The following OCA2 variants were observed in gnomAD, a reference collection of about 807,000 sequenced individuals.
The protein encoded by OCA2 is OCA2 melanosomal transmembrane protein, also known as P protein.
OCA2 carries 77 observed loss-of-function variants against 100.2 expected under a neutral mutation model. That is an observed-to-expected ratio of 0.77 (90% CI 0.64 to 0.93). OCA2 has a LOEUF of 0.93. Ranked by LOEUF, OCA2 falls within the 40% of genes least tolerant of loss-of-function variation. OCA2 has a pLI of 0.00. For synonymous variants in OCA2, 432 were observed against 439.2 expected (o/e 0.98, Z 0.21); for missense variants, 1,062 against 1,089.1 (o/e 0.98, Z 0.35).
intron 23 of OCA2, among the ~76,000 whole-genome samples, chr15:27,792,550 G>A (rs1327978663): frequency 6.6e-6 from 1 of 152,106 alleles, no homozygotes; most frequent in Non-Finnish European, 1.5e-5. Flanking sequence ...TCCCACACGA[G>A]CCACATGGCC....
chr15:28,058,864 C>T (rs565864509), intron 2 of OCA2, among the ~76,000 whole-genome samples: 2 of 152,264 alleles, frequency 1.3e-5, no homozygotes, highest in South Asian at 2.1e-4. Context: ...GGAGAGTCTG[C>T]GCTGGGGTGC....
intron 2 of OCA2, among the ~76,000 whole-genome samples, chr15:28,034,719 A>G (rs1457516285): frequency 6.6e-6 from 1 of 151,926 alleles, no homozygotes; most frequent in Non-Finnish European, 1.5e-5. Context: ...CAAACCTTCA[A>G]TGAGCTGAGG....
Position 27,983,243 on chromosome 15 carries a change from G to A in OCA2, c.1503+102C>T, listed in dbSNP as rs1278701759. 1.8e-5 allele frequency: 25 copies of A among 1,410,464 alleles called. 1 individual carries two copies. Among genetic ancestry groups the A allele is most frequent in the South Asian group, 1.0e-4 (9 of 85,888 alleles). 87.4% of individuals were successfully genotyped at this position (1,410,464 alleles called of 1,614,324 possible). On this transcript the variant is annotated intron_variant, in intron 14 of 23. Transcript: ENST00000354638. ...GTAGCACTTACTGTGAAGAGGTGGC[G>A]TGATGATCTTGATTTCTAACAAAGG... is the stretch of plus-strand genomic sequence containing the variant.
chr15:27,818,904 C>T (rs1453583338), intron 23 of OCA2, among the ~76,000 whole-genome samples: 1 of 152,180 alleles, frequency 6.6e-6, no homozygotes, highest in Non-Finnish European at 1.5e-5. Context: ...AATTCCTCTC[C>T]TGACACAAAT....
At chr15:27,824,325 G>A (rs1595470311) in intron 23 of OCA2, among the ~76,000 whole-genome samples, 1 of 152,108 alleles carries the variant, frequency 6.6e-6, no homozygotes, top group South Asian at 2.1e-4. Context: ...CTGAGATGGT[G>A]CCATTGCACT....
chr15:27,924,707 A>G (rs1224381980), intron 19 of OCA2, among the ~76,000 whole-genome samples: 4 of 152,238 alleles, frequency 2.6e-5, no homozygotes, highest in Non-Finnish European at 4.4e-5. Context: ...GAGAATTAGT[A>G]TACAATAAAA....
In OCA2 at chr15:28,027,237, C is replaced by G. The variant is rs561354313; in HGVS notation, c.515+634G>C. Among the ~76,000 whole-genome samples the G allele has an allele frequency of 1.4e-4, 21 of 152,302 alleles. 1 individual carries two copies. In the East Asian group the frequency reaches 3.5e-3, roughly 25 times the overall value. On this transcript the variant is annotated intron_variant, in intron 4 of 23. Coordinates refer to ENST00000354638, the MANE Select transcript of OCA2 (RefSeq NM_000275.3). Reference sequence around the variant, plus strand: ...TAGGCCTACACACGCATGCGTACTCCCACTCCCACGCCCGCCGTCCCCCTA... The same window carrying G: ...TAGGCCTACACACGCATGCGTACTCGCACTCCCACGCCCGCCGTCCCCCTA...
chr15:27,878,266 CG>C (rs1475262486), intron 19 of OCA2, among the ~76,000 whole-genome samples: 1 of 151,938 alleles, frequency 6.6e-6, no homozygotes, highest in African/African-American at 2.4e-5. Context: ...GAGGGAAAAA[CG>C]TTATCTTTTA....
chr15:28,052,289 T>C (rs1172364304), intron 2 of OCA2, among the ~76,000 whole-genome samples: 1 of 152,226 alleles, frequency 6.6e-6, no homozygotes, highest in East Asian at 1.9e-4. Flanking sequence ...CTGTGAATTA[T>C]GCACCAGATG....
chr15:27,779,899 A>G (rs186107662), intron 23 of OCA2, among the ~76,000 whole-genome samples: 2 of 152,214 alleles, frequency 1.3e-5, no homozygotes, highest in East Asian at 3.9e-4. Flanking sequence ...TTATACTGAT[A>G]TGCTTTGAAT....
intron 14 of OCA2, among the ~76,000 whole-genome samples, chr15:27,982,973 A>G (rs1301087018): frequency 6.6e-6 from 1 of 152,206 alleles, no homozygotes; most frequent in African/African-American, 2.4e-5. Flanking sequence ...TCAGTAAACT[A>G]ATCCACCACA....
Position 28,024,852 on chromosome 15 carries a change from A to G in OCA2, c.566T>C (p.Leu189Pro), listed in dbSNP as rs2141319080. ...KVMGLFAFVV[L>P]CSILFSLYPD... ...GGCAGCTAAGGTACTCACAGAACAC[A>G]GCACCACAAAGGCAAACAGGCCCAT... The change falls in exon 5 of 24, where the codon CTG becomes CCG. Residue 189 changes from leucine to proline, a missense_variant. Coordinates refer to ENST00000354638, the MANE Select transcript of OCA2 (RefSeq NM_000275.3). The G allele has an allele frequency of 6.2e-7, 1 of 1,614,240 alleles. No individual in the cohort carries two copies. Among genetic ancestry groups the G allele is most frequent in the South Asian group, 1.1e-5 (1 of 91,090 alleles).
intron 2 of OCA2, among the ~76,000 whole-genome samples, chr15:28,052,674 G>A (rs1425987052): frequency 1.3e-5 from 2 of 152,186 alleles, no homozygotes; most frequent in South Asian, 2.1e-4. Flanking sequence ...ACTACGATAC[G>A]ATGTAAAACT....
Position 28,022,564 on chromosome 15 carries a change from T to C in OCA2, c.583A>G (p.Ser195Gly), listed in dbSNP as rs767092342. The stretch of plus-strand genomic sequence containing the variant: ...AGCTTTCCTTGATCCGGATATAGGC[T>C]GAACAAAATCTGTAACAATCAGAAA... ...AFVVLCSILF[S>G]LYPDQGKLWQ... The change falls in exon 6 of 24, where the codon AGC becomes GGC. Residue 195 changes from serine to glycine, a missense_variant. Coordinates refer to ENST00000354638, the MANE Select transcript of OCA2 (RefSeq NM_000275.3). 1.5e-5 allele frequency: 25 copies of C among 1,613,308 alleles called. No homozygotes were observed. The highest frequency in any genetic ancestry group is 1.1e-4 in the East Asian group (5 of 44,884).
the OCA2 span, among the ~76,000 whole-genome samples, chr15:27,734,846 G>A: frequency 1.3e-5 from 2 of 152,188 alleles, no homozygotes; most frequent in South Asian, 4.1e-4. Context: ...CTCTAAACAG[G>A]TTGACTGCTG....
intron 1 of OCA2, among the ~76,000 whole-genome samples, chr15:28,089,145 C>T (rs572950928): frequency 1.2e-4 from 18 of 152,224 alleles, no homozygotes; most frequent in African/African-American, 3.4e-4. Flanking sequence ...CTGTTCCTCC[C>T]GGCCCACAGG....
At chr15:27,909,109 A>C (rs899823160) in intron 19 of OCA2, among the ~76,000 whole-genome samples, 1 of 152,254 alleles carries the variant, frequency 6.6e-6, no homozygotes, top group South Asian at 2.1e-4. Context: ...TATACACAAA[A>C]AAATAAACAG....
At chr15:27,759,841 C>T (rs1007339595) in intron 23 of OCA2, among the ~76,000 whole-genome samples, 1 of 152,122 alleles carries the variant, frequency 6.6e-6, no homozygotes, top group African/African-American at 2.4e-5. Context: ...TCAACAATAT[C>T]TTCCAGCAAT....
At chr15:27,806,629 C>T (rs1406511896) in intron 23 of OCA2, among the ~76,000 whole-genome samples, 1 of 152,234 alleles carries the variant, frequency 6.6e-6, no homozygotes, top group Non-Finnish European at 1.5e-5. Context: ...TCCTGCGCCT[C>T]GGCCTGTCCC....
Sources: gnomAD v4.1 joint callset for allele counts (sites outside exome capture counted in the v4.1 genomes callset) on GRCh38, gnomAD v4.1.1 for gene constraint, MANE v1.5 for transcripts, NCBI Gene and HGNC (gene_info 2026-07-23, HGNC 2026-07-21) for gene names.